Variants in SP3 observed in about 807,000 individuals in gnomAD.
SP3 encodes Sp3 transcription factor.
Under a neutral mutation model 70.3 loss-of-function variants are expected in SP3, and 10 were observed. The observed-to-expected ratio is 0.14, with a 90% CI of 0.09 to 0.24. SP3 has a LOEUF of 0.24. SP3 is among the 10% of genes least tolerant of loss of function. The pLI, the probability that SP3 is intolerant of heterozygous loss-of-function variation, is 1.00. For missense variants in SP3, 825 were observed against 914.6 expected, an observed-to-expected ratio of 0.90 and a Z score of 1.26; for synonymous variants, 402 against 333.5, an observed-to-expected ratio of 1.21 and a Z score of -2.24.
Position 173,905,335 on chromosome 2 carries a change from A to G in SP3, c.*4606T>C, listed in dbSNP as rs1689283798. ...AAGTCAGGCACTATGCTGAATGCTT[A>G]TATTTTAATACAACAATCCTATCAA... On this transcript the variant is annotated 3_prime_UTR_variant, in exon 7 of 7. Coordinates refer to ENST00000310015, the MANE Select transcript of SP3 (RefSeq NM_003111.5). Among the ~76,000 whole-genome samples, 1 of 152,220 alleles carries G rather than the reference A, an allele frequency of 6.6e-6. No homozygotes were observed. The highest frequency in any genetic ancestry group is 6.5e-5 in the Admixed American group (1 of 15,284).
chr2:173,951,777 C>T (rs1296154221), intron 4 of SP3, among the ~76,000 whole-genome samples: 4 of 152,164 alleles, frequency 2.6e-5, no homozygotes, highest in African/African-American at 9.7e-5. Context: ...ACTTTCTATA[C>T]TGTTATTGGT....
intron 3 of SP3, among the ~76,000 whole-genome samples, chr2:173,957,012 AT>A (rs1343375113): frequency 1.3e-5 from 2 of 152,140 alleles, no homozygotes; most frequent in East Asian, 3.9e-4. Context: ...CTCAATGGGA[AT>A]CTCAATGGGA....
rs566376376 is a variant in SP3, at chr2:173,940,602, T to C, written c.1639+14271A>G. On this transcript the variant is annotated intron_variant, in intron 4 of 6. Coordinates refer to ENST00000310015, the MANE Select transcript of SP3 (RefSeq NM_003111.5). Reference sequence around the variant, plus strand: ...AAACAGAACAAAAAGGACTTGGAACTTTCCACCAGGAAACAGAAGATTGAA... The same window carrying C: ...AAACAGAACAAAAAGGACTTGGAACCTTCCACCAGGAAACAGAAGATTGAA... 2.6e-5 allele frequency among the ~76,000 whole-genome samples: 4 copies of C among 152,272 alleles called. No individual in the cohort carries two copies. The East Asian group carries it at 7.7e-4, about 29-fold the overall frequency.
chr2:173,908,152 A>G lies in SP3; in HGVS notation c.*1789T>C, dbSNP rs2105450059. On this transcript the variant is annotated 3_prime_UTR_variant, in exon 7 of 7. Coordinates refer to ENST00000310015, the MANE Select transcript of SP3 (RefSeq NM_003111.5). ...TCAAGTAACTCCTGCCATGGTTACCAACGCTTGTCTTATCATTTTCAGGAG... is the reference window on the plus strand; with the variant it reads ...TCAAGTAACTCCTGCCATGGTTACCGACGCTTGTCTTATCATTTTCAGGAG... The G allele has an allele frequency of 6.6e-6, 1 of 152,258 alleles. No homozygotes were observed. Among genetic ancestry groups the G allele is most frequent in the South Asian group, 2.1e-4 (1 of 4,832 alleles). The allele number at this position is 152,258 out of a possible 1,614,324, so 9.4% of individuals were successfully genotyped here. A position where few individuals can be genotyped will look rare whatever the true frequency, so the allele number is the denominator to read the frequency against.
In SP3 at chr2:173,955,457, T is replaced by C; in HGVS notation, c.1055A>G (p.Asn352Ser). The C allele has an allele frequency of 6.2e-7, 1 of 1,614,118 alleles. No individual in the cohort carries two copies. Among genetic ancestry groups the C allele is most frequent in the Non-Finnish European group, 8.5e-7 (1 of 1,180,026 alleles). ...ACTAGATGTAGTCAAGCTATTTGTG[T>C]TTTGTTGTAATATACCTGTACTATC... is the stretch of plus-strand genomic sequence containing the variant. ...TIDSTGILQQ[N>S]TNSLTTSSGQ... is the part of the protein sequence containing the mutation. The change falls in exon 4 of 7, where the codon AAC (asparagine) becomes AGC (serine). Residue 352 changes from asparagine to serine, a missense_variant. By Grantham distance (46) the Asn-to-Ser change is conservative (BLOSUM62 1). Coordinates refer to ENST00000310015, the MANE Select transcript of SP3 (RefSeq NM_003111.5).
chr2:173,934,228 C>G (rs1427250262), intron 4 of SP3, among the ~76,000 whole-genome samples: 1 of 149,668 alleles, frequency 6.7e-6, no homozygotes, highest in Non-Finnish European at 1.5e-5. Flanking sequence ...TGAGAGAGAA[C>G]TTGTCTCTAA....
At chr2:173,949,314 C>T (rs1437724887) in intron 4 of SP3, among the ~76,000 whole-genome samples, 1 of 151,572 alleles carries the variant, frequency 6.6e-6, no homozygotes, top group African/African-American at 2.4e-5. Context: ...ATTTCCTCCA[C>T]TTACCATGTA....
Position 173,965,201 on chromosome 2 carries a change from C to G in SP3, c.-30G>C. 1 of 1,546,832 alleles carries G rather than the reference C, an allele frequency of 6.5e-7. No homozygotes were observed. The highest frequency in any genetic ancestry group is 8.7e-7 in the Non-Finnish European group (1 of 1,145,290). ...TGTTTAGGGCACCTCAGGCGGGGCT[C>G]CCCGCCGCCTTACACATGGTGAGGA... On this transcript the variant is annotated 5_prime_UTR_variant, in exon 1 of 7. Coordinates refer to ENST00000310015, the MANE Select transcript of SP3 (RefSeq NM_003111.5).
chr2:173,917,923 C>T (rs1009323981), intron 5 of SP3, among the ~76,000 whole-genome samples: 7 of 151,370 alleles, frequency 4.6e-5, no homozygotes, highest in Non-Finnish European at 8.8e-5. Context: ...TTTTCCATCC[C>T]TCATCTTCAA....
rs1340530027 is a variant in SP3, at chr2:173,909,613, T to C, written c.*328A>G. 5.9e-6 allele frequency: 1 copy of C among 168,346 alleles called. No homozygotes were observed. Among genetic ancestry groups the C allele is most frequent in the East Asian group, 1.8e-4 (1 of 5,686 alleles). The allele number at this position is 168,346 out of a possible 1,614,324, so 10.4% of individuals were successfully genotyped here. A position where few individuals can be genotyped will look rare whatever the true frequency, so the allele number is the denominator to read the frequency against. On this transcript the variant is annotated 3_prime_UTR_variant, in exon 7 of 7. Transcript: ENST00000310015. ...TTACAATAGATAAATACCAACATGT[T>C]CTCATTTTTACACTAAACCACACAG... is the stretch of plus-strand genomic sequence containing the variant.
At chr2:173,940,440 GC>G (rs1690338467) in intron 4 of SP3, among the ~76,000 whole-genome samples, 1 of 152,238 alleles carries the variant, frequency 6.6e-6, no homozygotes, top group South Asian at 2.1e-4. Flanking sequence ...AGCCAGTCAT[GC>G]TTATCGCCCA....
chr2:173,913,413 G>T lies in SP3; in HGVS notation c.1833-147C>A, dbSNP rs529347740. 20 of 517,492 alleles carry T rather than the reference G, an allele frequency of 3.9e-5. No individual in the cohort carries two copies. The East Asian group carries it at 5.4e-4, about 14-fold the overall frequency. 32.1% of individuals were successfully genotyped at this position (517,492 alleles called of 1,614,324 possible). Reference sequence around the variant, plus strand: ...CAGAAACCAAAACCATTTAAAATCAGTTTAAATGAAAATTTATGTATTTCA... The same window carrying T: ...CAGAAACCAAAACCATTTAAAATCATTTTAAATGAAAATTTATGTATTTCA... On this transcript the variant is annotated intron_variant, in intron 5 of 6. Transcript: ENST00000310015.
chr2:173,961,935 G>GTTTTTTTT (rs536537799), intron 3 of SP3, among the ~76,000 whole-genome samples: 1 of 81,008 alleles, frequency 1.2e-5, no homozygotes, highest in Non-Finnish European at 2.4e-5. Context: ...TATGGTTTGG[G>GTTTTTTTT]TTTTTTTTTT....
intron 3 of SP3, among the ~76,000 whole-genome samples, chr2:173,960,869 G>C (rs573182073): frequency 2.6e-5 from 4 of 151,980 alleles, no homozygotes; most frequent in East Asian, 1.9e-4. Flanking sequence ...CCAGTTACTC[G>C]GGAGGCTGAG....
At chr2:173,940,197 G>A (rs1029567036) in intron 4 of SP3, among the ~76,000 whole-genome samples, 1 of 152,140 alleles carries the variant, frequency 6.6e-6, no homozygotes, top group East Asian at 1.9e-4. Context: ...TAGTAGTCTA[G>A]GACAGCGGTC....
At chr2:173,939,583 G>A (rs989734042) in intron 4 of SP3, among the ~76,000 whole-genome samples, 11 of 151,960 alleles carry the variant, frequency 7.2e-5, no homozygotes, top group Admixed American at 2.0e-4. Context: ...GGCCAACATG[G>A]TGAAACACTG....
Position 173,965,244 on chromosome 2 carries a change from G to A in SP3, c.-73C>T. ...GGTGAGGAGCGAAGGCGGCGGCGGC[G>A]GGAGAGGATGCGGGAAGCGGCGGCG... is the stretch of plus-strand genomic sequence containing the variant. On this transcript the variant is annotated 5_prime_UTR_variant, in exon 1 of 7. Coordinates refer to ENST00000310015, the MANE Select transcript of SP3 (RefSeq NM_003111.5). The A allele has an allele frequency of 6.6e-7, 1 of 1,519,982 alleles. No homozygotes were observed. The highest frequency in any genetic ancestry group is 8.9e-7 in the Non-Finnish European group (1 of 1,122,644). 94.2% of individuals were successfully genotyped at this position (1,519,982 alleles called of 1,614,324 possible). A position where few individuals can be genotyped will look rare whatever the true frequency, so the allele number is the denominator to read the frequency against.
chr2:173,961,585 C>A (rs1166103089), intron 3 of SP3, among the ~76,000 whole-genome samples: 4 of 152,300 alleles, frequency 2.6e-5, no homozygotes, highest in African/African-American at 9.6e-5. Flanking sequence ...ATTATCCTAA[C>A]ATTAGGGGAA....
At chr2:173,963,943 G>T (rs1419946635) in intron 2 of SP3, 60 bp from the exon 3 acceptor site, 21 of 1,245,956 alleles carry the variant, frequency 1.7e-5, no homozygotes, top group Non-Finnish European at 2.2e-5. Context: ...GGTTAGGGTC[G>T]GGCCGCCTTT....
Sources: gnomAD v4.1 joint callset for allele counts (sites outside exome capture counted in the v4.1 genomes callset) on GRCh38, gnomAD v4.1.1 for gene constraint, MANE v1.5 for transcripts, NCBI Gene and HGNC (gene_info 2026-07-23, HGNC 2026-07-21) for gene names.